LRATD2: variants seen among roughly 807,000 people sequenced by gnomAD.
The protein encoded by LRATD2 is LRAT domain containing 2.
A neutral mutation model predicts 12.0 loss-of-function variants in LRATD2; 10 were observed. The ratio of observed to expected loss-of-function variants is 0.83; its 90% CI spans 0.51 to 1.41. LRATD2 has a LOEUF of 1.41. Ranked by LOEUF, LRATD2 falls within the 40% of genes most tolerant of loss-of-function variation. The pLI, the probability that LRATD2 is intolerant of heterozygous loss-of-function variation, is 0.00. For synonymous variants in LRATD2, 220 were observed against 205.8 expected, an observed-to-expected ratio of 1.07 and a Z score of -0.59; for missense variants, 455 against 446.1, an observed-to-expected ratio of 1.02 and a Z score of -0.18.
chr8:126,556,929 A>G lies in LRATD2; in HGVS notation c.461T>C (p.Phe154Ser). The G allele has an allele frequency of 1.2e-6, 2 of 1,610,248 alleles. No homozygotes were observed. Among genetic ancestry groups the G allele is most frequent in the African/African-American group, 2.7e-5 (2 of 75,048 alleles). ...HLHRLEVINS[F>S]LTDASQGRRG... is the part of the protein sequence containing the mutation. ...ACGGCCCTGGCTGGCGTCAGTCAGG[A>G]AGCTGTTAATCACCTCCAGCCGGTG... Residue 154 changes from phenylalanine to serine, a missense_variant, in exon 2 of 2, where the codon TTC (phenylalanine) becomes TCC (serine). Physicochemically the swap from Phe to Ser is radical, Grantham distance 155 (BLOSUM62 -2). Transcript: ENST00000304916. The surrounding 1 kb of genome is among the most constrained non-coding windows in gnomAD (Gnocchi z 5.6).
At position 126,557,163 on chromosome 8, in the gene LRATD2, G is replaced by A. The variant is rs1472754666; in HGVS notation, c.227C>T (p.Pro76Leu). The A allele has an allele frequency of 1.2e-6, 2 of 1,611,340 alleles. No individual in the cohort carries two copies. The highest frequency in any genetic ancestry group is 1.3e-5 in the African/African-American group (1 of 75,020). Reference sequence around the variant, plus strand: ...GGAGCATTCCACCTCGTGCAGCCGCGGATCGTAGGGCTGCGGCTGGGGCGG... The same window carrying A: ...GGAGCATTCCACCTCGTGCAGCCGCAGATCGTAGGGCTGCGGCTGGGGCGG... ...PPPPQPQPYD[P>L]RLHEVECSVF... Residue 76 changes from proline to leucine, a missense_variant, in exon 2 of 2, where the codon CCG becomes CTG. Coordinates refer to ENST00000304916, the MANE Select transcript of LRATD2 (RefSeq NM_174911.5). This position sits in a 1 kb window ranked among gnomAD's most constrained non-coding sequence, Gnocchi z 5.3.
chr8:126,557,189 C>T lies in LRATD2; in HGVS notation c.201G>A (p.Pro67=), dbSNP rs1817431193. Residue 67 remains proline, a synonymous_variant, in exon 2 of 2, where the codon CCG becomes CCA. Coordinates refer to ENST00000304916, the MANE Select transcript of LRATD2 (RefSeq NM_174911.5). The surrounding 1 kb of genome is among the most constrained non-coding windows in gnomAD (Gnocchi z 5.3). ...GATCGTAGGGCTGCGGCTGGGGCGG[C>T]GGCGGCCCGTCCCCACCGTCGGGCA... ...GGLPDGGDGP[P]PPQPQPYDPR... 3.7e-6 allele frequency: 6 copies of T among 1,603,150 alleles called. No homozygotes were observed. The highest frequency in any genetic ancestry group is 4.3e-6 in the Non-Finnish European group (5 of 1,175,666).
At position 126,556,161 on chromosome 8, in the gene LRATD2, G is replaced by T; in HGVS notation, c.*296C>A. The T allele has an allele frequency of 2.3e-6, 1 of 438,852 alleles. No individual in the cohort carries two copies. The allele number at this position is 438,852 out of a possible 1,614,324, so 27.2% of individuals were successfully genotyped here. On this transcript the variant is annotated 3_prime_UTR_variant, in exon 2 of 2. Coordinates refer to ENST00000304916, the MANE Select transcript of LRATD2 (RefSeq NM_174911.5). This position sits in a 1 kb window ranked among gnomAD's most constrained non-coding sequence, Gnocchi z 5.6. ...CCGATTATAAACCCAGATCTACCAA[G>T]GTTTAAGTGCCAGGCAAGTCCACAG...
rs1409173022 is a variant in LRATD2, at chr8:126,556,892, C to G, written c.498G>C (p.Val166=). ...GCTTGTAGCGGTACAGATCGTTGAC[C>G]ACGCGGCCGCGACGGCCCTGGCTGG... ...TDASQGRRGR[V]VNDLYRYKPL... Residue 166 remains valine (V), a synonymous_variant, in exon 2 of 2, where the codon GTG becomes GTC. Transcript: ENST00000304916. The surrounding 1 kb of genome is among the most constrained non-coding windows in gnomAD (Gnocchi z 5.6). 1 of 1,608,082 alleles carries G rather than the reference C, an allele frequency of 6.2e-7. No homozygotes were observed. The highest frequency in any genetic ancestry group is 8.5e-7 in the Non-Finnish European group (1 of 1,179,702).
chr8:126,554,447 G>A lies in LRATD2; in HGVS notation c.*2010C>T, dbSNP rs1387573004. On this transcript the variant is annotated 3_prime_UTR_variant, in exon 2 of 2. Transcript: ENST00000304916. ...AAAGAGAATAAACACAAAGCTGTGA[G>A]AGTATTAAATATGGACACTAGATTT... 6.6e-6 allele frequency: 1 copy of A among 152,218 alleles called. No homozygotes were observed. The highest frequency in any genetic ancestry group is 1.5e-5 in the Non-Finnish European group (1 of 68,044). The allele number at this position is 152,218 out of a possible 1,614,324, so 9.4% of individuals were successfully genotyped here.
Position 126,557,197 on chromosome 8 carries a change from C to G in LRATD2, c.193G>C (p.Gly65Arg). 3 of 1,600,322 alleles carry G rather than the reference C, an allele frequency of 1.9e-6. No homozygotes were observed. Among genetic ancestry groups the G allele is most frequent in the Non-Finnish European group, 2.6e-6 (3 of 1,174,332 alleles). The change falls in exon 2 of 2, where the codon GGG becomes CGG. Residue 65 changes from glycine (G) to arginine (R), a missense_variant. By Grantham distance (125) the Gly-to-Arg change is moderately radical. Coordinates refer to ENST00000304916, the MANE Select transcript of LRATD2 (RefSeq NM_174911.5). This position sits in a 1 kb window ranked among gnomAD's most constrained non-coding sequence, Gnocchi z 5.3. ...DGGGLPDGGD[G>R]PPPPQPQPYD... ...GGCTGCGGCTGGGGCGGCGGCGGCC[C>G]GTCCCCACCGTCGGGCAAGCCGCCG...
rs1817445650 is a variant in LRATD2, at chr8:126,557,525, C to T, written c.-96-40G>A. ...AGGCAAGAAAGCCATGCAGGAGCCC[C>T]TCCGTGAAAAGGGCGTTTTGTTCCG... On this transcript the variant is annotated intron_variant, in intron 1 of 1. Coordinates refer to ENST00000304916, the MANE Select transcript of LRATD2 (RefSeq NM_174911.5). This position sits in a 1 kb window ranked among gnomAD's most constrained non-coding sequence, Gnocchi z 5.3. The T allele has an allele frequency of 1.0e-6, 1 of 985,360 alleles. No homozygotes were observed. The allele number at this position is 985,360 out of a possible 1,614,324, so 61.0% of individuals were successfully genotyped here.
In LRATD2 at chr8:126,554,110, ATTC is replaced by A. The variant is rs1817335018; in HGVS notation, c.*2344_*2346del. 1 of 152,396 alleles carries A rather than the reference ATTC, an allele frequency of 6.6e-6. No homozygotes were observed. The highest frequency in any genetic ancestry group is 2.4e-5 in the African/African-American group (1 of 41,440). 9.4% of individuals were successfully genotyped at this position (152,396 alleles called of 1,614,324 possible). A position where few individuals can be genotyped will look rare whatever the true frequency, so the allele number is the denominator to read the frequency against. On this transcript the variant is annotated 3_prime_UTR_variant, in exon 2 of 2. Transcript: ENST00000304916. ...AACCTCTGCTTCCCAGCTTCAAGCA[ATTC>A]TTCTGCCTCAGGCTCCCAAGTAGCA...
chr8:126,556,374 A>G lies in LRATD2; in HGVS notation c.*83T>C, dbSNP rs1270509952. 1 of 1,420,362 alleles carries G rather than the reference A, an allele frequency of 7.0e-7. No individual in the cohort carries two copies. Among genetic ancestry groups the G allele is most frequent in the Non-Finnish European group, 9.3e-7 (1 of 1,072,970 alleles). 88.0% of individuals were successfully genotyped at this position (1,420,362 alleles called of 1,614,324 possible). On this transcript the variant is annotated 3_prime_UTR_variant, in exon 2 of 2. Coordinates refer to ENST00000304916, the MANE Select transcript of LRATD2 (RefSeq NM_174911.5). This position sits in a 1 kb window ranked among gnomAD's most constrained non-coding sequence, Gnocchi z 5.6. ...CAGATGGGGCCCAGACAGTGGCAAA[A>G]GAGGGAGGAAGAGAGGGAGAAAGGG...
rs982973000 is a variant in LRATD2 at position 126,557,036 on chromosome 8, C to T, written c.354G>A (p.Pro118=). 1 of 1,606,870 alleles carries T rather than the reference C, an allele frequency of 6.2e-7. No individual in the cohort carries two copies. The highest frequency in any genetic ancestry group is 1.3e-5 in the African/African-American group (1 of 74,948). The change falls in exon 2 of 2, where the codon CCG becomes CCA. Residue 118 remains proline (P), a synonymous_variant. Transcript: ENST00000304916. The surrounding 1 kb of genome is among the most constrained non-coding windows in gnomAD (Gnocchi z 5.3). Reference sequence around the variant, plus strand: ...GCGACACGAACTCCACCAGATCGCCCGGCTTGCACTTGTTGAGCAGGTTCT... The same window carrying T: ...GCGACACGAACTCCACCAGATCGCCTGGCTTGCACTTGTTGAGCAGGTTCT... ...TPENLLNKCK[P]GDLVEFVSQA...
Position 126,556,215 on chromosome 8 carries a change from C to G in LRATD2, c.*242G>C. On this transcript the variant is annotated 3_prime_UTR_variant, in exon 2 of 2. Coordinates refer to ENST00000304916, the MANE Select transcript of LRATD2 (RefSeq NM_174911.5). This position sits in a 1 kb window ranked among gnomAD's most constrained non-coding sequence, Gnocchi z 5.6. ...GCTCCACCGCGGAGAGGAAGACAGA[C>G]AGGGGGCCAGAGGGAGACGCCCCCC... is the stretch of plus-strand genomic sequence containing the variant. 2.0e-6 allele frequency: 1 copy of G among 512,164 alleles called. No individual in the cohort carries two copies. The highest frequency in any genetic ancestry group is 3.2e-5 in the South Asian group (1 of 30,920). The allele number at this position is 512,164 out of a possible 1,614,324, so 31.7% of individuals were successfully genotyped here.
In LRATD2 at chr8:126,552,939, A is replaced by G. The variant is rs11539702; in HGVS notation, c.*3518T>C. The G allele has an allele frequency of 0.14, 21,542 of 152,678 alleles. 1,746 individuals are homozygous for G. The highest frequency in any genetic ancestry group is 0.37 in the East Asian group (1,915 of 5,182). The allele number at this position is 152,678 out of a possible 1,614,324, so 9.5% of individuals were successfully genotyped here. A position where few individuals can be genotyped will look rare whatever the true frequency, so the allele number is the denominator to read the frequency against. On this transcript the variant is annotated 3_prime_UTR_variant, in exon 2 of 2. Coordinates refer to ENST00000304916, the MANE Select transcript of LRATD2 (RefSeq NM_174911.5). ...AAAAATGGTTAGACAAGCACATGAT[A>G]TCAAGAGTCTTCAACACAGTGGATT...
Position 126,554,113 on chromosome 8 carries a change from C to T in LRATD2, c.*2344G>A, listed in dbSNP as rs1197430549. On this transcript the variant is annotated 3_prime_UTR_variant, in exon 2 of 2. Coordinates refer to ENST00000304916, the MANE Select transcript of LRATD2 (RefSeq NM_174911.5). ...CTCTGCTTCCCAGCTTCAAGCAATT[C>T]TTCTGCCTCAGGCTCCCAAGTAGCA... 6.6e-6 allele frequency: 1 copy of T among 152,448 alleles called. No individual in the cohort carries two copies. Among genetic ancestry groups the T allele is most frequent in the Non-Finnish European group, 1.5e-5 (1 of 68,222 alleles). The allele number at this position is 152,448 out of a possible 1,614,324, so 9.4% of individuals were successfully genotyped here.
At position 126,557,529 on chromosome 8, in the gene LRATD2, G is replaced by T. The variant is rs1490579307; in HGVS notation, c.-96-44C>A. ...AAGAAAGCCATGCAGGAGCCCCTCC[G>T]TGAAAAGGGCGTTTTGTTCCGAAAA... On this transcript the variant is annotated intron_variant, in intron 1 of 1. Coordinates refer to ENST00000304916, the MANE Select transcript of LRATD2 (RefSeq NM_174911.5). This position sits in a 1 kb window ranked among gnomAD's most constrained non-coding sequence, Gnocchi z 5.3. 3.3e-6 allele frequency: 3 copies of T among 904,108 alleles called. No homozygotes were observed. The African/African-American group carries it at 5.1e-5, about 15-fold the overall frequency. The allele number at this position is 904,108 out of a possible 1,614,324, so 56.0% of individuals were successfully genotyped here.
chr8:126,557,521 G>GC lies in LRATD2; in HGVS notation c.-96-37dup, dbSNP rs1371403554. On this transcript the variant is annotated intron_variant, in intron 1 of 1. Transcript: ENST00000304916. The surrounding 1 kb of genome is among the most constrained non-coding windows in gnomAD (Gnocchi z 5.3). ...AGGAAGGCAAGAAAGCCATGCAGGAGCCCCTCCGTGAAAAGGGCGTTTTGT... is the reference window on the plus strand; with the variant it reads ...AGGAAGGCAAGAAAGCCATGCAGGAGCCCCCTCCGTGAAAAGGGCGTTTTGT... The GC allele has an allele frequency of 3.0e-6, 3 of 1,002,112 alleles. No homozygotes were observed. Among genetic ancestry groups the GC allele is most frequent in the Non-Finnish European group, 4.4e-6 (3 of 685,874 alleles). 62.1% of individuals were successfully genotyped at this position (1,002,112 alleles called of 1,614,324 possible). A position where few individuals can be genotyped will look rare whatever the true frequency, so the allele number is the denominator to read the frequency against.
rs1817466545 is a variant in LRATD2, at chr8:126,558,063, G to A, written c.-126C>T. On this transcript the variant is annotated 5_prime_UTR_variant, in exon 1 of 2. Transcript: ENST00000304916. ...GGAGAGGTGAAGGCCGTGGGGCCTG[G>A]GGAAGGGCTCCCTGCCGCGCCCCGA... is the stretch of plus-strand genomic sequence containing the variant. The A allele has an allele frequency of 6.6e-6, 1 of 152,258 alleles. No individual in the cohort carries two copies. The highest frequency in any genetic ancestry group is 2.4e-5 in the African/African-American group (1 of 41,426). 9.4% of individuals were successfully genotyped at this position (152,258 alleles called of 1,614,324 possible). A position where few individuals can be genotyped will look rare whatever the true frequency, so the allele number is the denominator to read the frequency against.
chr8:126,557,058 T>TTC lies in LRATD2; in HGVS notation c.330_331dup (p.Asn111ArgfsTer41). 1 of 1,608,382 alleles carries TTC rather than the reference T, an allele frequency of 6.2e-7. No homozygotes were observed. ...GCCCGGCTTGCACTTGTTGAGCAGG[T>TTC]TCTCGGGCGTGTAGGTACTCAGCGC... is the stretch of plus-strand genomic sequence containing the variant. On this transcript the variant is annotated frameshift_variant, in exon 2 of 2. Coordinates refer to ENST00000304916, the MANE Select transcript of LRATD2 (RefSeq NM_174911.5). LOFTEE classifies it high-confidence loss of function. The surrounding 1 kb of genome is among the most constrained non-coding windows in gnomAD (Gnocchi z 5.3).
chr8:126,556,535 C>A lies in LRATD2; in HGVS notation c.855G>T (p.Val285=). The change falls in exon 2 of 2, where the codon GTG becomes GTT. Residue 285 remains valine, a synonymous_variant. Coordinates refer to ENST00000304916, the MANE Select transcript of LRATD2 (RefSeq NM_174911.5). This position sits in a 1 kb window ranked among gnomAD's most constrained non-coding sequence, Gnocchi z 5.6. ...PAEPEEGDSN[V]ARTTPPPGRP... is the part of the protein sequence containing the mutation. ...GCCCGGGAGGCGGCGTAGTCCGCGC[C>A]ACGTTGCTGTCGCCCTCCTCCGGCT... 1 of 1,602,210 alleles carries A rather than the reference C, an allele frequency of 6.2e-7. No homozygotes were observed. The highest frequency in any genetic ancestry group is 8.5e-7 in the Non-Finnish European group (1 of 1,175,490).
rs896431841 is a variant in LRATD2, at chr8:126,556,668, G to C, written c.722C>G (p.Thr241Arg). ...GTCCTCTAGACTCTGGAACTCGAGC[G>C]TGTGGCTGCGCTGCGCCGACAGCTG... is the stretch of plus-strand genomic sequence containing the variant. ...QIQLSAQRSH[T>R]LEFQSLEDLI... is the part of the protein sequence containing the mutation. The change falls in exon 2 of 2, where the codon ACG (threonine) becomes AGG (arginine). Residue 241 changes from threonine (T) to arginine (R), a missense_variant. Transcript: ENST00000304916. The surrounding 1 kb of genome is among the most constrained non-coding windows in gnomAD (Gnocchi z 5.6). The C allele has an allele frequency of 6.2e-7, 1 of 1,611,272 alleles. No homozygotes were observed. Among genetic ancestry groups the C allele is most frequent in the Non-Finnish European group, 8.5e-7 (1 of 1,179,266 alleles).
Sources: gnomAD v4.1 joint callset for allele counts on GRCh38, gnomAD v4.1.1 for gene constraint, Gnocchi (gnomAD v3.1) non-coding constraint, MANE v1.5 for transcripts, NCBI Gene and HGNC (gene_info 2026-07-23, HGNC 2026-07-21) for gene names.